The following L3MBTL4 variants were observed in gnomAD, a reference collection of about 807,000 sequenced individuals.
L3MBTL4 encodes the protein lethal(3)malignant brain tumor-like protein 4.
Under a neutral mutation model 84.5 loss-of-function variants are expected in L3MBTL4, and 70 were observed. The observed-to-expected ratio is 0.83, with a 90% CI of 0.68 to 1.01. L3MBTL4 has a LOEUF of 1.01. Ranked by LOEUF, L3MBTL4 falls within the 50% of genes least tolerant of loss-of-function variation. The pLI is 0.00. For missense variants in L3MBTL4, 715 were observed against 754.8 expected (o/e 0.95, Z 0.62); for synonymous variants, 274 against 259.8 (o/e 1.05, Z -0.52).
intron 5 of L3MBTL4, among the ~76,000 whole-genome samples, chr18:6,250,029 T>C (rs2047855193): frequency 6.6e-6 from 1 of 152,210 alleles, no homozygotes; most frequent in South Asian, 2.1e-4. Flanking sequence ...GAAACCTGGC[T>C]AGAGGCCATG....
intron 16 of L3MBTL4, among the ~76,000 whole-genome samples, chr18:5,982,662 A>C (rs2053287991): frequency 6.6e-6 from 1 of 152,174 alleles, no homozygotes; most frequent in African/African-American, 2.4e-5. Flanking sequence ...TCAGATGCTA[A>C]TTTTATACTC....
intron 5 of L3MBTL4, among the ~76,000 whole-genome samples, chr18:6,245,249 C>G (rs1220854005): frequency 1.3e-5 from 2 of 152,132 alleles, no homozygotes; most frequent in African/African-American, 4.8e-5. Flanking sequence ...AGTGATGTGG[C>G]TAAAGATGGA....
intron 13 of L3MBTL4, among the ~76,000 whole-genome samples, chr18:6,144,030 T>C (rs1214836050): frequency 1.3e-5 from 2 of 151,810 alleles, no homozygotes; most frequent in Non-Finnish European, 2.9e-5. Context: ...ACCCCGTCTC[T>C]ACTAAAAATA....
At chr18:5,958,006 A>AGGC (rs1219645295) in intron 18 of L3MBTL4, among the ~76,000 whole-genome samples, 1 of 119,128 alleles carries the variant, frequency 8.4e-6, no homozygotes, top group Non-Finnish European at 1.9e-5. Context: ...AGGAAGGAGA[A>AGGC]GGAGGAGGAG....
chr18:5,991,503 C>G (rs990952526), intron 16 of L3MBTL4, among the ~76,000 whole-genome samples: 1 of 152,132 alleles, frequency 6.6e-6, no homozygotes, highest in East Asian at 1.9e-4. Flanking sequence ...CACTTGCTAC[C>G]TGGCATCTTT....
chr18:6,198,209 A>G (rs1466153884), intron 12 of L3MBTL4, among the ~76,000 whole-genome samples: 1 of 152,200 alleles, frequency 6.6e-6, no homozygotes, highest in Non-Finnish European at 1.5e-5. Context: ...TCCCTGCACC[A>G]AGCTTATCTC....
chr18:6,199,266 G>A (rs955349226), intron 12 of L3MBTL4, among the ~76,000 whole-genome samples: 6 of 152,152 alleles, frequency 3.9e-5, no homozygotes, highest in African/African-American at 1.4e-4. Context: ...ATTTCTACTT[G>A]CAACTGGACA....
intron 14 of L3MBTL4, among the ~76,000 whole-genome samples, chr18:6,096,290 A>G (rs760342346): frequency 2.6e-5 from 4 of 152,140 alleles, no homozygotes; most frequent in Non-Finnish European, 5.9e-5. Flanking sequence ...TGGTCATTCA[A>G]TCATTCACCT....
At chr18:6,239,489 T>C (rs1311058630) in intron 9 of L3MBTL4, among the ~76,000 whole-genome samples, 1 of 152,026 alleles carries the variant, frequency 6.6e-6, no homozygotes, top group Non-Finnish European at 1.5e-5. Flanking sequence ...GAACAGGTTA[T>C]ATTATTTCAG....
At chr18:6,004,996 A>ATTTTTTTT (rs1567973105) in intron 16 of L3MBTL4, among the ~76,000 whole-genome samples, 4 of 42,020 alleles carry the variant, frequency 9.5e-5, no homozygotes, top group Admixed American at 2.9e-4. Flanking sequence ...TTAAGATGAT[A>ATTTTTTTT]ATTTTTTTTT....
chr18:6,015,732 G>A (rs1332482494), intron 16 of L3MBTL4, among the ~76,000 whole-genome samples: 1 of 152,156 alleles, frequency 6.6e-6, no homozygotes. Context: ...GCCGAGGTAG[G>A]AGAATCATGA....
intron 13 of L3MBTL4, among the ~76,000 whole-genome samples, chr18:6,145,290 A>C (rs2042600620): frequency 2.0e-5 from 3 of 152,178 alleles, no homozygotes; most frequent in Non-Finnish European, 4.4e-5. Context: ...GAAAATGCTT[A>C]TTATTATACC....
At chr18:6,346,925 T>C (rs1274868053) in intron 1 of L3MBTL4, among the ~76,000 whole-genome samples, 1 of 152,136 alleles carries the variant, frequency 6.6e-6, no homozygotes, top group African/African-American at 2.4e-5. Context: ...GGAAACAACC[T>C]AAATTTCTAC....
At chr18:6,307,300 G>A (rs1456602181) in intron 3 of L3MBTL4, among the ~76,000 whole-genome samples, 1 of 151,720 alleles carries the variant, frequency 6.6e-6, no homozygotes, top group Admixed American at 6.6e-5. Flanking sequence ...AGCTGAACGT[G>A]GTGGTGCGCA....
At chr18:6,327,847 T>C (rs1407917857) in intron 1 of L3MBTL4, among the ~76,000 whole-genome samples, 3 of 152,226 alleles carry the variant, frequency 2.0e-5, no homozygotes. Context: ...TAGGAGGAAT[T>C]TTATACGTTC....
At chr18:6,138,318 G>C (rs375214086) in intron 13 of L3MBTL4, 22 bp from the exon 14 acceptor site, 572 of 1,471,162 alleles carry the variant, frequency 3.9e-4, no homozygotes, top group Non-Finnish European at 4.7e-4. Flanking sequence ...AAAAGAACAT[G>C]CCTTGAAAAC....
At chr18:6,382,440 C>T (rs1160547663) in intron 1 of L3MBTL4, among the ~76,000 whole-genome samples, 3 of 152,246 alleles carry the variant, frequency 2.0e-5, no homozygotes, top group South Asian at 2.1e-4. Context: ...AGCCTTTTTG[C>T]GCTGGTTTCT....
At chr18:6,001,213 C>T (rs549397035) in intron 16 of L3MBTL4, among the ~76,000 whole-genome samples, 1 of 152,296 alleles carries the variant, frequency 6.6e-6, no homozygotes, top group South Asian at 2.1e-4. Flanking sequence ...TATAGCAATC[C>T]CCATTGCCTA....
intron 12 of L3MBTL4, among the ~76,000 whole-genome samples, chr18:6,201,331 C>T (rs1414879955): frequency 1.3e-5 from 2 of 152,076 alleles, no homozygotes; most frequent in Non-Finnish European, 2.9e-5. Flanking sequence ...ATGGGAATAT[C>T]GGCAATTTTA....
Sources: allele counts gnomAD v4.1 joint callset (sites outside exome capture counted in the v4.1 genomes callset), GRCh38; gene constraint gnomAD v4.1.1; transcripts MANE v1.5; gene names NCBI Gene and HGNC (gene_info 2026-07-23, HGNC 2026-07-21).